The following GPR155 variants were observed in gnomAD, a reference collection of about 807,000 sequenced individuals.
The protein encoded by GPR155 is G protein-coupled receptor 155.
GPR155 carries 65 observed loss-of-function variants against 93.1 expected under a neutral mutation model. The observed-to-expected ratio is 0.70, with a 90% confidence interval of 0.57 to 0.86. The LOEUF is 0.86. Among genes scored for constraint, GPR155 ranks in the 40% least tolerant of loss-of-function variants. GPR155 has a pLI of 0.00. For synonymous variants in GPR155, 319 were observed against 360.1 expected, an observed-to-expected ratio of 0.89 and a Z score of 1.29; for missense variants, 838 against 1,034.8, an observed-to-expected ratio of 0.81 and a Z score of 2.61.
rs759776814 is a variant in GPR155, at chr2:174,434,467, C to G, written c.*1649G>C. 9 of 151,988 alleles carry G rather than the reference C, an allele frequency of 5.9e-5. No individual in the cohort carries two copies. The highest frequency in any genetic ancestry group is 1.0e-4 in the Non-Finnish European group (7 of 68,004). The allele number at this position is 151,988 out of a possible 1,614,324, so 9.4% of individuals were successfully genotyped here. A position where few individuals can be genotyped will look rare whatever the true frequency, so the allele number is the denominator to read the frequency against. On this transcript the variant is annotated 3_prime_UTR_variant, in exon 16 of 16. Transcript: ENST00000392552. ...TATTTGTAGCATGAAAGTTAAAGAT[C>G]AGATTGTACTTCTGCAGGACTGTGG...
chr2:174,464,925 G>A (rs1042573558), intron 7 of GPR155, among the ~76,000 whole-genome samples: 1 of 152,018 alleles, frequency 6.6e-6, no homozygotes, highest in South Asian at 2.1e-4. Flanking sequence ...GAAATCAAAG[G>A]TCCGTCCTTT....
At chr2:174,440,447 C>T (rs535939531) in intron 14 of GPR155, among the ~76,000 whole-genome samples, 2 of 152,136 alleles carry the variant, frequency 1.3e-5, no homozygotes, top group African/African-American at 2.4e-5. Flanking sequence ...ACCAAAAACT[C>T]GTACTCCAAA....
chr2:174,440,350 C>CG (rs1351372188), intron 14 of GPR155, among the ~76,000 whole-genome samples: 1 of 152,160 alleles, frequency 6.6e-6, no homozygotes, highest in Non-Finnish European at 1.5e-5. Context: ...CCTTACTCTA[C>CG]ATTCTACTGT....
At chr2:174,436,774 T>C (rs923145753) in intron 15 of GPR155, among the ~76,000 whole-genome samples, 1 of 152,272 alleles carries the variant, frequency 6.6e-6, no homozygotes, top group Non-Finnish European at 1.5e-5. Context: ...ATTTATACTT[T>C]TAGTTATACT....
chr2:174,469,377 T>G (rs1019805156), intron 4 of GPR155, among the ~76,000 whole-genome samples: 2 of 152,162 alleles, frequency 1.3e-5, no homozygotes, highest in African/African-American at 4.8e-5. Flanking sequence ...AGCAATGATA[T>G]AAATAAACCT....
intron 11 of GPR155, among the ~76,000 whole-genome samples, chr2:174,447,799 TGAG>T (rs1212414322): frequency 2.0e-5 from 3 of 147,430 alleles, no homozygotes; most frequent in Non-Finnish European, 4.5e-5. Context: ...CTACTAGAGG[TGAG>T]GAGGGAGGAA....
At chr2:174,438,861 T>C (rs947922743) in intron 15 of GPR155, among the ~76,000 whole-genome samples, 9 of 152,336 alleles carry the variant, frequency 5.9e-5, no homozygotes, top group African/African-American at 1.9e-4. Context: ...TTTGAAATAA[T>C]TGTGCTCAGA....
At chr2:174,471,764 A>AC (rs935946023) in intron 3 of GPR155, among the ~76,000 whole-genome samples, 9 of 152,088 alleles carry the variant, frequency 5.9e-5, no homozygotes, top group African/African-American at 1.2e-4. Flanking sequence ...AGTATCAAAG[A>AC]CCCCCCATCT....
intron 14 of GPR155, 89 bp from the exon 15 acceptor site, chr2:174,440,124 TCCAAAGCTGTCGATCA>T (rs1202536463): frequency 1.9e-6 from 2 of 1,039,298 alleles, no homozygotes; most frequent in Non-Finnish European, 2.8e-6. Context: ...AAATGGCTGT[TCCAAAGCTGTCGATCA>T]CCAAAGCTGT....
chr2:174,465,166 G>T (rs190012631), intron 7 of GPR155, among the ~76,000 whole-genome samples: 64 of 152,196 alleles, frequency 4.2e-4, no homozygotes, highest in African/African-American at 1.5e-3. Context: ...TTCTCACTGG[G>T]TCCTTTTCTA....
At chr2:174,449,741 T>C (rs1030549242) in intron 11 of GPR155, among the ~76,000 whole-genome samples, 3 of 152,110 alleles carry the variant, frequency 2.0e-5, no homozygotes, top group Non-Finnish European at 4.4e-5. Flanking sequence ...TTTGGGAGGC[T>C]GAGGTGGGCA....
At chr2:174,472,858 G>T in intron 3 of GPR155, 107 bp downstream of exon 3, 1 of 802,556 alleles carries the variant, frequency 1.2e-6, no homozygotes, top group Non-Finnish European at 2.0e-6. Context: ...TACAAGGAGG[G>T]GTTATTAATA....
chr2:174,455,966 G>A (rs951009772), intron 10 of GPR155, among the ~76,000 whole-genome samples: 5 of 151,858 alleles, frequency 3.3e-5, no homozygotes, highest in South Asian at 2.1e-4. Flanking sequence ...TCAGCCTCCC[G>A]AGTAGCTGGG....
intron 13 of GPR155, among the ~76,000 whole-genome samples, chr2:174,443,739 G>T (rs1687034609): frequency 6.6e-6 from 1 of 151,582 alleles, no homozygotes; most frequent in Admixed American, 6.6e-5. Context: ...AAAAAAAAAA[G>T]TAAGGAGTTA....
chr2:174,475,021 C>G (rs1444221919), intron 2 of GPR155, among the ~76,000 whole-genome samples: 1 of 151,880 alleles, frequency 6.6e-6, no homozygotes, highest in Non-Finnish European at 1.5e-5. Context: ...CTCGGCCGGG[C>G]GCGGTGGCTC....
chr2:174,479,580 T>G (rs1443736842), intron 2 of GPR155, among the ~76,000 whole-genome samples: 3 of 152,196 alleles, frequency 2.0e-5, no homozygotes, highest in Non-Finnish European at 4.4e-5. Context: ...AAGAAAGTAC[T>G]CTGTAAACTA....
At chr2:174,443,747 T>C (rs1431262279) in intron 13 of GPR155, among the ~76,000 whole-genome samples, 2 of 151,236 alleles carry the variant, frequency 1.3e-5, no homozygotes, top group East Asian at 3.9e-4. Context: ...AAGTAAGGAG[T>C]TAAAGGTCAA....
intron 11 of GPR155, among the ~76,000 whole-genome samples, chr2:174,447,711 T>A (rs2105682065): frequency 6.8e-6 from 1 of 147,240 alleles, no homozygotes; most frequent in Middle Eastern, 3.6e-3. Context: ...AACCAAGTAC[T>A]GCATGTGCTT....
Position 174,461,479 on chromosome 2 carries a change from G to A in GPR155, c.1483C>T (p.Leu495Phe). Residue 495 changes from leucine to phenylalanine, a missense_variant, in exon 9 of 16, where the codon CTT (leucine) becomes TTT (phenylalanine). Around this residue, in one of 3 missense-constraint regions of GPR155, gnomAD observed 663 missense variants for 790.1 expected, o/e 0.84. Transcript: ENST00000392552. ...CCAGTTATCAAAAGAACACCAACAAGGAGAGCAGGAATTCTGTAATCACAA... is the reference window on the plus strand; with the variant it reads ...CCAGTTATCAAAAGAACACCAACAAAGAGAGCAGGAATTCTGTAATCACAA... ...IISGWGIPAL[L>F]VGVLLITGKH... The A allele has an allele frequency of 1.2e-6, 2 of 1,611,750 alleles. No homozygotes were observed. Among genetic ancestry groups the A allele is most frequent in the Non-Finnish European group, 1.7e-6 (2 of 1,177,986 alleles).
Sources: allele counts gnomAD v4.1 joint callset (sites outside exome capture counted in the v4.1 genomes callset), GRCh38; gene constraint gnomAD v4.1.1; regional missense constraint gnomAD v4.1.1; transcripts MANE v1.5; gene names NCBI Gene and HGNC (gene_info 2026-07-23, HGNC 2026-07-21).